Variants in DIPK1A observed in about 807,000 individuals in gnomAD.
DIPK1A encodes family with sequence similarity 69 member A.
In DIPK1A, 27 loss-of-function variants were observed where a neutral mutation model predicts 40.8. That is an observed-to-expected ratio of 0.66 (90% CI 0.49 to 0.91). The LOEUF (loss-of-function observed/expected upper bound fraction) is 0.91, where lower values mean the gene tolerates loss of function less well. Among genes scored for constraint, DIPK1A ranks in the 40% least tolerant of loss-of-function variants. The pLI is 0.00. For synonymous variants in DIPK1A, 166 were observed against 171.3 expected, an observed-to-expected ratio of 0.97 and a Z score of 0.24; for missense variants, 412 against 505.7, an observed-to-expected ratio of 0.81 and a Z score of 1.78.
intron 1 of DIPK1A, among the ~76,000 whole-genome samples, chr1:92,900,471 A>C (rs1376560886): frequency 1.3e-5 from 2 of 151,830 alleles, no homozygotes; most frequent in African/African-American, 4.8e-5. Context: ...TTATGATTCT[A>C]TCTCTTTGTT....
At chr1:92,915,392 G>A (rs1326314205) in intron 1 of DIPK1A, among the ~76,000 whole-genome samples, 1 of 152,110 alleles carries the variant, frequency 6.6e-6, no homozygotes, top group Non-Finnish European at 1.5e-5. Context: ...TACAGTTACA[G>A]TCTCTCTCTA....
In DIPK1A at chr1:92,842,667, T is replaced by G; in HGVS notation, c.*716A>C. On this transcript the variant is annotated 3_prime_UTR_variant, in exon 5 of 5. Transcript: ENST00000370310. ...GGATATGTGGATCTTGATTGGGCCT[T>G]AAGATGTCAGTTTTGAAGGGCTCAG... The G allele has an allele frequency of 1.0e-6, 1 of 985,468 alleles. No homozygotes were observed. The highest frequency in any genetic ancestry group is 1.2e-6 in the Non-Finnish European group (1 of 829,938). 61.0% of individuals were successfully genotyped at this position (985,468 alleles called of 1,614,324 possible).
downstream of DIPK1A, chr1:92,840,545 T>A: frequency 6.2e-7 from 1 of 1,609,858 alleles, no homozygotes; most frequent in Non-Finnish European, 8.5e-7. Flanking sequence ...CTTTCCTTTG[T>A]TTCAGATGGA....
intron 1 of DIPK1A, among the ~76,000 whole-genome samples, chr1:92,925,218 A>G (rs1650442544): frequency 6.6e-6 from 1 of 152,230 alleles, no homozygotes; most frequent in Admixed American, 6.5e-5. Context: ...TTTGTTAAAC[A>G]GCTTTATGTA....
At chr1:92,935,308 A>G (rs140138160) in intron 1 of DIPK1A, among the ~76,000 whole-genome samples, 5 of 152,338 alleles carry the variant, frequency 3.3e-5, no homozygotes, top group Admixed American at 3.3e-4. Flanking sequence ...GTGTTTTGCT[A>G]GAAATTGCAA....
At chr1:92,927,365 T>C (rs1423113722) in intron 1 of DIPK1A, among the ~76,000 whole-genome samples, 1 of 814 alleles carries the variant, frequency 1.2e-3, no homozygotes, top group African/African-American at 1.6e-3. Flanking sequence ...AATTTTGTTG[T>C]TTTTTTTTTT....
At chr1:92,905,394 C>G (rs1649580613) in intron 1 of DIPK1A, among the ~76,000 whole-genome samples, 1 of 152,086 alleles carries the variant, frequency 6.6e-6, no homozygotes, top group African/African-American at 2.4e-5. Flanking sequence ...ATGTTAAGTA[C>G]CTTTTCATAT....
At chr1:92,837,143 A>T in intron 4 of DIPK1A, 1 of 453,742 alleles carries the variant, frequency 2.2e-6, no homozygotes, top group Admixed American at 3.1e-5. Flanking sequence ...CTGAAAATTA[A>T]AGGATTTAGA....
chr1:92,911,409 T>C (rs950132138), intron 1 of DIPK1A, among the ~76,000 whole-genome samples: 4 of 152,216 alleles, frequency 2.6e-5, no homozygotes, highest in Non-Finnish European at 5.9e-5. Flanking sequence ...TCTAAAACTT[T>C]GAGAAATAAA....
In DIPK1A at chr1:92,843,393, TTAGTG is replaced by T. The variant is rs1687454852; in HGVS notation, c.1272_1276del (p.Tyr424Ter). 5.2e-6 allele frequency: 8 copies of T among 1,539,540 alleles called. No homozygotes were observed. The highest frequency in any genetic ancestry group is 2.8e-5 in the African/African-American group (2 of 72,644). On this transcript the variant is annotated stop_gained and frameshift_variant, in exon 5 of 5. Coordinates refer to ENST00000370310, the MANE Select transcript of DIPK1A (RefSeq NM_001006605.5). LOFTEE classifies it high-confidence loss of function. ...TTATGTCCAAATGAACTAAGAGTCA[TTAGTG>T]TAGGAAATTTTCTTCCACAATAATG...
At chr1:92,869,001 C>G (rs1015117589) in intron 2 of DIPK1A, among the ~76,000 whole-genome samples, 3 of 150,564 alleles carry the variant, frequency 2.0e-5, no homozygotes, top group Admixed American at 6.6e-5. Context: ...TTCTATCTTG[C>G]TTACCACAAT....
rs753269721 is a variant in DIPK1A at position 92,950,886 on chromosome 1, A to G, written c.54+10490T>C. Among the ~76,000 whole-genome samples the G allele has an allele frequency of 3.9e-5, 6 of 152,206 alleles. No homozygotes were observed. In the East Asian group the frequency reaches 9.6e-4, roughly 24 times the overall value. On this transcript the variant is annotated intron_variant, in intron 1 of 4. Transcript: ENST00000370310. ...TCTTATAAAAATCTCTTGCTTTGGT[A>G]CCACCGTTAAACCTAATACTAATAG...
intron 1 of DIPK1A, among the ~76,000 whole-genome samples, chr1:92,887,226 G>C (rs936906631): frequency 1.6e-5 from 2 of 124,798 alleles, no homozygotes; most frequent in Non-Finnish European, 3.2e-5. Context: ...AGACCAACTA[G>C]AGAAACATAG....
At chr1:92,903,264 T>A (rs1426492731) in intron 1 of DIPK1A, among the ~76,000 whole-genome samples, 1 of 152,178 alleles carries the variant, frequency 6.6e-6, no homozygotes, top group African/African-American at 2.4e-5. Context: ...CAGGTGGGTC[T>A]TGAACTCCTG....
At position 92,842,973 on chromosome 1, in the gene DIPK1A, C is replaced by T; in HGVS notation, c.*410G>A. On this transcript the variant is annotated 3_prime_UTR_variant, in exon 5 of 5. Transcript: ENST00000370310. The stretch of plus-strand genomic sequence containing the variant: ...CTGTTAATGTGCAAACTTTACCATG[C>T]TAAGACATTAGTAAATTTATAAATT... 1 of 992,900 alleles carries T rather than the reference C, an allele frequency of 1.0e-6. No individual in the cohort carries two copies. Among genetic ancestry groups the T allele is most frequent in the Non-Finnish European group, 1.2e-6 (1 of 834,806 alleles). The allele number at this position is 992,900 out of a possible 1,614,324, so 61.5% of individuals were successfully genotyped here. A position where few individuals can be genotyped will look rare whatever the true frequency, so the allele number is the denominator to read the frequency against.
At chr1:92,852,400 C>T (rs923839296) in intron 2 of DIPK1A, among the ~76,000 whole-genome samples, 3 of 151,674 alleles carry the variant, frequency 2.0e-5, no homozygotes, top group African/African-American at 4.8e-5. Context: ...CAGGAGGCTG[C>T]GGTGGAAGAG....
chr1:92,919,968 T>C (rs1368252011), intron 1 of DIPK1A, among the ~76,000 whole-genome samples: 1 of 152,252 alleles, frequency 6.6e-6, no homozygotes, highest in East Asian at 1.9e-4. Context: ...ATCTATTGTG[T>C]TGTACACAAG....
At chr1:92,872,225 G>T (rs1647905067) in intron 2 of DIPK1A, among the ~76,000 whole-genome samples, 1 of 151,678 alleles carries the variant, frequency 6.6e-6, no homozygotes, top group South Asian at 2.1e-4. Flanking sequence ...AATTACAGAT[G>T]TGTGCCACTA....
chr1:92,912,205 A>C (rs1426400765), intron 1 of DIPK1A, among the ~76,000 whole-genome samples: 1 of 151,970 alleles, frequency 6.6e-6, no homozygotes, highest in Non-Finnish European at 1.5e-5. Flanking sequence ...AAAAATAAGG[A>C]ATGAAATGTA....
Sources: gnomAD v4.1 joint callset for allele counts (sites outside exome capture counted in the v4.1 genomes callset) on GRCh38, gnomAD v4.1.1 for gene constraint, MANE v1.5 for transcripts, NCBI Gene and HGNC (gene_info 2026-07-23, HGNC 2026-07-21) for gene names.